The following MTMR7 variants were observed in gnomAD, a reference collection of about 807,000 sequenced individuals.
MTMR7 encodes myotubularin related protein 7.
A neutral mutation model predicts 81.2 loss-of-function variants in MTMR7; 76 were observed. That is an observed-to-expected ratio of 0.94 (90% CI 0.78 to 1.13). MTMR7 has a LOEUF of 1.13. Ranked by LOEUF, MTMR7 falls within the 50% of genes most tolerant of loss-of-function variation. MTMR7 has a pLI of 0.00. For missense variants in MTMR7, 1,044 were observed against 820.0 expected (o/e 1.27, Z -3.34); for synonymous variants, 372 against 289.8 (o/e 1.28, Z -2.88).
At chr8:17,332,538 T>A (rs1426643775) in intron 6 of MTMR7, among the ~76,000 whole-genome samples, 1 of 152,166 alleles carries the variant, frequency 6.6e-6, no homozygotes, top group East Asian at 1.9e-4. Flanking sequence ...ACGATGGGGT[T>A]ATATCATGAT....
In MTMR7 at chr8:17,368,317, G is replaced by A. The variant is rs1237025709; in HGVS notation, c.310+2720C>T. Among the ~76,000 whole-genome samples, 8 of 152,296 alleles carry A rather than the reference G, an allele frequency of 5.3e-5. No individual in the cohort carries two copies. In the South Asian group the frequency reaches 6.2e-4, roughly 12 times the overall value. On this transcript the variant is annotated intron_variant, in intron 3 of 13. Transcript: ENST00000180173. ...CCGCCATAGACTGGTACCTGTCTGC[G>A]GCCCAGGGGTTGGGGACCCCTGCTC...
At chr8:17,339,493 T>C (rs762196931) in intron 6 of MTMR7, among the ~76,000 whole-genome samples, 65 of 152,226 alleles carry the variant, frequency 4.3e-4, no homozygotes, top group Non-Finnish European at 7.6e-4. Flanking sequence ...AATTGCCTGT[T>C]GAAAGCATTT....
chr8:17,311,664 C>A, intron 8 of MTMR7, 28 bp from the exon 9 acceptor site: 1 of 1,613,690 alleles, frequency 6.2e-7, no homozygotes, highest in South Asian at 1.1e-5. Flanking sequence ...CGCAAAGAGT[C>A]ACAAAGAATG....
chr8:17,330,079 T>C (rs938151765), intron 7 of MTMR7, among the ~76,000 whole-genome samples: 1 of 152,198 alleles, frequency 6.6e-6, no homozygotes, highest in African/African-American at 2.4e-5. Flanking sequence ...GTTCAAAGTT[T>C]CATAATGACT....
At chr8:17,308,224 A>G (rs966247364) in intron 10 of MTMR7, among the ~76,000 whole-genome samples, 3 of 152,084 alleles carry the variant, frequency 2.0e-5, no homozygotes, top group African/African-American at 4.8e-5. Context: ...TTATCAAACA[A>G]TTATCTAGCT....
intron 7 of MTMR7, among the ~76,000 whole-genome samples, chr8:17,330,081 A>G (rs898350467): frequency 3.3e-5 from 5 of 152,240 alleles, no homozygotes; most frequent in African/African-American, 1.2e-4. Context: ...TCAAAGTTTC[A>G]TAATGACTGA....
intron 3 of MTMR7, among the ~76,000 whole-genome samples, chr8:17,363,209 A>G (rs1820112617): frequency 6.6e-6 from 1 of 152,340 alleles, no homozygotes; most frequent in East Asian, 1.9e-4. Context: ...CTCAACATTG[A>G]CACATCTTTT....
At chr8:17,382,155 G>A (rs934576468) in intron 1 of MTMR7, among the ~76,000 whole-genome samples, 2 of 152,202 alleles carry the variant, frequency 1.3e-5, no homozygotes, top group African/African-American at 4.8e-5. Flanking sequence ...GACTTACTGA[G>A]GAAAGGAAGC....
intron 6 of MTMR7, 25 bp downstream of exon 6, chr8:17,341,338 C>T: frequency 1.2e-6 from 2 of 1,612,918 alleles, no homozygotes; most frequent in Non-Finnish European, 1.7e-6. Flanking sequence ...GGTGCAAAGA[C>T]ATGCATCGCA....
chr8:17,332,360 C>A (rs956206498), intron 6 of MTMR7, among the ~76,000 whole-genome samples: 4 of 152,188 alleles, frequency 2.6e-5, no homozygotes, highest in Admixed American at 2.0e-4. Flanking sequence ...AGTACCAGCA[C>A]ATAAAAATAG....
At chr8:17,341,012 A>T (rs1819393056) in intron 6 of MTMR7, among the ~76,000 whole-genome samples, 1 of 152,212 alleles carries the variant, frequency 6.6e-6, no homozygotes, top group South Asian at 2.1e-4. Flanking sequence ...TCCAGAGTGA[A>T]TTTTATTGTC....
At chr8:17,366,516 A>AT (rs1186320785) in intron 3 of MTMR7, among the ~76,000 whole-genome samples, 10 of 152,052 alleles carry the variant, frequency 6.6e-5, no homozygotes, top group Non-Finnish European at 1.2e-4. Flanking sequence ...AGATGTGAGC[A>AT]TTTTTTTTAA....
At chr8:17,408,015 C>A (rs193002304) in intron 1 of MTMR7, among the ~76,000 whole-genome samples, 2 of 152,252 alleles carry the variant, frequency 1.3e-5, no homozygotes, top group East Asian at 3.9e-4. Flanking sequence ...GAGTTCAACA[C>A]TAATTCTGGC....
intron 5 of MTMR7, among the ~76,000 whole-genome samples, chr8:17,345,428 C>A (rs757419203): frequency 1.3e-5 from 2 of 152,204 alleles, no homozygotes; most frequent in African/African-American, 2.4e-5. Context: ...CTCTCACAGC[C>A]CCTGGCTGTC....
chr8:17,330,417 C>A (rs1377471280), intron 7 of MTMR7, among the ~76,000 whole-genome samples: 1 of 152,172 alleles, frequency 6.6e-6, no homozygotes, highest in African/African-American at 2.4e-5. Flanking sequence ...GTTCGCAGAG[C>A]CGGAAGTGGT....
In MTMR7 at chr8:17,305,739, A is replaced by T; in HGVS notation, c.1352+18T>A. 6.3e-7 allele frequency: 1 copy of T among 1,583,902 alleles called. No individual in the cohort carries two copies. Among genetic ancestry groups the T allele is most frequent in the African/African-American group, 1.4e-5 (1 of 74,072 alleles). ...TCTTTAAATAAAAGTTAAACACCAAAAACACCAAAACACTTACTTGAGTTC... is the reference window on the plus strand; with the variant it reads ...TCTTTAAATAAAAGTTAAACACCAATAACACCAAAACACTTACTTGAGTTC... On this transcript the variant is annotated intron_variant, in intron 11 of 13. Coordinates refer to ENST00000180173, the MANE Select transcript of MTMR7 (RefSeq NM_004686.5).
intron 1 of MTMR7, among the ~76,000 whole-genome samples, chr8:17,406,596 C>T (rs1821589989): frequency 6.6e-6 from 1 of 151,840 alleles, no homozygotes; most frequent in Non-Finnish European, 1.5e-5. Flanking sequence ...AAATGATAAC[C>T]ACAAAGTTGC....
chr8:17,312,554 G>A (rs1377669023), intron 8 of MTMR7, among the ~76,000 whole-genome samples: 3 of 135,922 alleles, frequency 2.2e-5, no homozygotes, highest in Non-Finnish European at 4.6e-5. Flanking sequence ...CAGCCTGGGT[G>A]ACAGAGCGAG....
intron 3 of MTMR7, among the ~76,000 whole-genome samples, chr8:17,368,899 C>T (rs1467656134): frequency 6.6e-6 from 1 of 152,222 alleles, no homozygotes; most frequent in African/African-American, 2.4e-5. Flanking sequence ...TAATACCTAA[C>T]TCCCTTCATC....
Sources: allele counts gnomAD v4.1 joint callset (sites outside exome capture counted in the v4.1 genomes callset), GRCh38; gene constraint gnomAD v4.1.1; transcripts MANE v1.5; gene names NCBI Gene and HGNC (gene_info 2026-07-23, HGNC 2026-07-21).